The following IFT43 variants were observed in gnomAD, a reference collection of about 807,000 sequenced individuals.
The protein encoded by IFT43 is intraflagellar transport protein 43 homolog.
In IFT43, 33 loss-of-function variants were observed where a neutral mutation model predicts 32.3. That is an observed-to-expected ratio of 1.02 (90% confidence interval 0.77 to 1.37). IFT43 has a LOEUF of 1.37. IFT43 is among the 40% of genes most tolerant of loss of function. IFT43 has a pLI of 0.00. For synonymous variants in IFT43, 93 were observed against 98.2 expected (o/e 0.95, Z 0.31); for missense variants, 274 against 265.9 (o/e 1.03, Z -0.21).
chr14:76,057,801 A>T (rs999874486), intron 3 of IFT43, among the ~76,000 whole-genome samples: 1 of 152,202 alleles, frequency 6.6e-6, no homozygotes, highest in African/African-American at 2.4e-5. Flanking sequence ...AAAAAACCCT[A>T]TGATGACAGA....
chr14:76,019,307 TA>T (rs1258259062), intron 2 of IFT43, among the ~76,000 whole-genome samples: 1 of 152,138 alleles, frequency 6.6e-6, no homozygotes, highest in Non-Finnish European at 1.5e-5. Context: ...TGGTTTTGCT[TA>T]TCTGGGAAGG....
At chr14:76,010,107 T>C (rs540212737) in intron 2 of IFT43, among the ~76,000 whole-genome samples, 12 of 152,202 alleles carry the variant, frequency 7.9e-5, no homozygotes, top group African/African-American at 1.2e-4. Context: ...AGTGTTCTTC[T>C]ACCACATTGT....
At chr14:76,062,910 C>G (rs1476617165) in intron 5 of IFT43, among the ~76,000 whole-genome samples, 8 of 39,530 alleles carry the variant, frequency 2.0e-4, no homozygotes, top group African/African-American at 9.0e-4. Flanking sequence ...AGAGTGAGAT[C>G]CCATCTCAAA....
chr14:76,060,827 T>TCCCTCCC (rs1491368908), intron 5 of IFT43, among the ~76,000 whole-genome samples: 2 of 87,226 alleles, frequency 2.3e-5, no homozygotes, highest in African/African-American at 3.7e-5. Context: ...CCTCCCTCCC[T>TCCCTCCC]TTCTTCCTTC....
chr14:76,082,153 CCTAGTT>C, intron 5 of IFT43, 136 bp from the exon 6 acceptor site: 1 of 789,388 alleles, frequency 1.3e-6, no homozygotes, highest in South Asian at 1.4e-5. Context: ...TGATCCTACC[CCTAGTT>C]TGTATCTGAG....
At chr14:76,072,783 T>G (rs983242539) in intron 5 of IFT43, among the ~76,000 whole-genome samples, 2 of 152,270 alleles carry the variant, frequency 1.3e-5, no homozygotes, top group South Asian at 4.2e-4. Flanking sequence ...AGATCAGGGT[T>G]TGTATGCTGT....
chr14:76,064,719 T>TG (rs1216501075), intron 5 of IFT43, among the ~76,000 whole-genome samples: 1 of 152,204 alleles, frequency 6.6e-6, no homozygotes, highest in East Asian at 1.9e-4. Flanking sequence ...CCAAGAGACT[T>TG]GCGTTTTAAG....
rs1256217732 is a variant in IFT43, at chr14:76,045,059, T to A, written c.216-13583T>A. 2.0e-5 allele frequency among the ~76,000 whole-genome samples: 3 copies of A among 152,186 alleles called. No homozygotes were observed. In the East Asian group the frequency reaches 5.8e-4, roughly 29 times the overall value. On this transcript the variant is annotated intron_variant, in intron 3 of 8. Transcript: ENST00000314067. ...AGTTAAACTTCAACTGTATGGGGGG[T>A]CTGTGCCCCAACACCCACATTGTTC... is the stretch of plus-strand genomic sequence containing the variant.
At chr14:76,082,046 GA>G (rs1377960266) in intron 5 of IFT43, among the ~76,000 whole-genome samples, 2 of 152,186 alleles carry the variant, frequency 1.3e-5, no homozygotes, top group Admixed American at 1.3e-4. Flanking sequence ...GAACGCCTGG[GA>G]AAAAAATCTG....
At chr14:76,077,924 C>G (rs1374756246) in intron 5 of IFT43, among the ~76,000 whole-genome samples, 1 of 152,226 alleles carries the variant, frequency 6.6e-6, no homozygotes, top group African/African-American at 2.4e-5. Flanking sequence ...CCTTCTTTAA[C>G]TCCTCAACCC....
rs554303062 is a variant in IFT43 at position 76,059,024 on chromosome 14, G to A, written c.249-303G>A. 10 of 1,422,352 alleles carry A rather than the reference G, an allele frequency of 7.0e-6. No individual in the cohort carries two copies. The East Asian group carries it at 1.3e-4, about 18-fold the overall frequency. 88.1% of individuals were successfully genotyped at this position (1,422,352 alleles called of 1,614,324 possible). On this transcript the variant is annotated intron_variant, in intron 4 of 8. Coordinates refer to ENST00000314067, the MANE Select transcript of IFT43 (RefSeq NM_001102564.3). The stretch of plus-strand genomic sequence containing the variant: ...CATAAGACTTATATCAGAAAAGAAA[G>A]AAGTTTTCTAGATAAAGGTGCTGTG...
chr14:76,071,627 T>C (rs2037322421), intron 5 of IFT43, among the ~76,000 whole-genome samples: 2 of 152,290 alleles, frequency 1.3e-5, no homozygotes, highest in South Asian at 4.1e-4. Context: ...ACTTCCTCCA[T>C]ACAGGTACAC....
chr14:75,999,257 ATATATATATATATATGTATATATATT>A (rs1389950027), intron 2 of IFT43, among the ~76,000 whole-genome samples: 11 of 11,946 alleles, frequency 9.2e-4, no homozygotes, highest in African/African-American at 4.3e-3. Flanking sequence ...ATATATATAT[ATATATATATATATATGTATATATATT>A]TTTTTTTTTT....
chr14:76,007,230 T>C (rs1297536608), intron 2 of IFT43, among the ~76,000 whole-genome samples: 1 of 152,164 alleles, frequency 6.6e-6, no homozygotes, highest in Non-Finnish European at 1.5e-5. Flanking sequence ...ATGACCTTGC[T>C]CTGTACTTAT....
intron 2 of IFT43, among the ~76,000 whole-genome samples, chr14:76,011,785 A>T (rs2036091000): frequency 6.6e-6 from 1 of 152,216 alleles, no homozygotes; most frequent in Non-Finnish European, 1.5e-5. Context: ...GGAGAAACTC[A>T]GTTCTCTGAG....
In IFT43 at chr14:76,031,505, C is replaced by T. The variant is rs554303704; in HGVS notation, c.215+9111C>T. Among the ~76,000 whole-genome samples the T allele has an allele frequency of 2.6e-5, 4 of 152,228 alleles. No homozygotes were observed. In the South Asian group the frequency reaches 6.2e-4, roughly 24 times the overall value. ...GTGTTAAGCGAAAACAAGAAGGTGA[C>T]GCAGAAATGCAGGTCTCATCTACTA... On this transcript the variant is annotated intron_variant, in intron 3 of 8. Coordinates refer to ENST00000314067, the MANE Select transcript of IFT43 (RefSeq NM_001102564.3).
chr14:75,986,378 T>C (rs957409548), intron 1 of IFT43: 9 of 945,822 alleles, frequency 9.5e-6, no homozygotes, highest in Non-Finnish European at 1.2e-5. Context: ...GACCGATTTG[T>C]AACGTGAGGG....
intron 3 of IFT43, among the ~76,000 whole-genome samples, chr14:76,033,931 G>C (rs1340107688): frequency 6.6e-6 from 1 of 152,232 alleles, no homozygotes; most frequent in Non-Finnish European, 1.5e-5. Flanking sequence ...GTGTCTTATA[G>C]CGGAGATAGG....
chr14:75,995,864 A>G (rs943900217), intron 2 of IFT43, among the ~76,000 whole-genome samples: 2 of 152,108 alleles, frequency 1.3e-5, no homozygotes, highest in Non-Finnish European at 2.9e-5. Flanking sequence ...CACACTTCAT[A>G]TTTATGTCAT....
Sources: allele counts gnomAD v4.1 joint callset (sites outside exome capture counted in the v4.1 genomes callset), GRCh38; gene constraint gnomAD v4.1.1; transcripts MANE v1.5; gene names NCBI Gene and HGNC (gene_info 2026-07-23, HGNC 2026-07-21).